The following WDTC1 variants were observed in gnomAD, a reference collection of about 807,000 sequenced individuals.
WDTC1 encodes WD and tetratricopeptide repeats 1, also known as WD and tetratricopeptide repeats protein 1.
Under a neutral mutation model 76.0 loss-of-function variants are expected in WDTC1, and 12 were observed. That is an observed-to-expected ratio of 0.16 (90% CI 0.10 to 0.26). WDTC1 has a LOEUF of 0.26. WDTC1 is among the 10% of genes least tolerant of loss of function. The pLI is 1.00. For synonymous variants in WDTC1, 326 were observed against 350.8 expected (o/e 0.93, Z 0.79); for missense variants, 511 against 908.8 (o/e 0.56, Z 5.63).
chr1:27,289,190 G>A (rs1413282443), intron 6 of WDTC1, among the ~76,000 whole-genome samples: 1 of 149,428 alleles, frequency 6.7e-6, no homozygotes, highest in African/African-American at 2.5e-5. Context: ...CGGACGGGGC[G>A]GCTGGCCGGG....
chr1:27,296,356 C>T lies in WDTC1; in HGVS notation c.904C>T (p.Arg302Trp), dbSNP rs140726657. Residue 302 changes from arginine to tryptophan, a missense_variant, in exon 10 of 16, where the codon CGG (arginine) becomes TGG (tryptophan). Arg to Trp is a moderately radical substitution (Grantham distance 101, BLOSUM62 -3). Transcript: ENST00000319394. ...TTTGTTTGACTTGACTTACAAGCAG[C>T]GGCCGTACACCTTCCTCTTGCCTAG... is the stretch of plus-strand genomic sequence containing the variant. ...VYLFDLTYKQ[R>W]PYTFLLPRKC... 6.8e-6 allele frequency: 11 copies of T among 1,614,014 alleles called. No homozygotes were observed. The highest frequency in any genetic ancestry group is 9.3e-6 in the Non-Finnish European group (11 of 1,179,992).
intron 6 of WDTC1, among the ~76,000 whole-genome samples, chr1:27,290,567 T>C (rs987127214): frequency 6.6e-6 from 1 of 152,210 alleles, no homozygotes; most frequent in African/African-American, 2.4e-5. Flanking sequence ...AGTGGCTATA[T>C]ACCTGGGAGG....
At chr1:27,253,079 GC>G (rs2012136159) in intron 1 of WDTC1, among the ~76,000 whole-genome samples, 1 of 147,576 alleles carries the variant, frequency 6.8e-6, no homozygotes, top group African/African-American at 2.5e-5. Context: ...TGCAATCTCG[GC>G]TCACTGCAAC....
At chr1:27,256,786 A>G (rs1338511850) in intron 1 of WDTC1, among the ~76,000 whole-genome samples, 1 of 152,168 alleles carries the variant, frequency 6.6e-6, no homozygotes, top group East Asian at 1.9e-4. Context: ...CCTTATGTTC[A>G]TTTGTTGAAT....
rs1215974156 is a variant in WDTC1, at chr1:27,282,277, G to C, written c.171G>C (p.Glu57Asp). The change falls in exon 4 of 16, where the codon GAG becomes GAC. Residue 57 changes from glutamate (E) to aspartate (D), a missense_variant. Coordinates refer to ENST00000319394, the MANE Select transcript of WDTC1 (RefSeq NM_001276252.2). ...SGCVNCLEWN[E>D]KGDLLASGSD... ...GTGTCAACTGTCTGGAGTGGAATGA[G>C]AAAGGAGAGTAAGTATGAGCTAGAG... is the stretch of plus-strand genomic sequence containing the variant. 9.3e-6 allele frequency: 15 copies of C among 1,613,868 alleles called. No homozygotes were observed. The highest frequency in any genetic ancestry group is 1.3e-5 in the Non-Finnish European group (15 of 1,179,816).
In WDTC1 at chr1:27,260,984, G is replaced by C. The variant is rs2012460184; in HGVS notation, c.-71G>C. 3.2e-6 allele frequency: 5 copies of C among 1,547,886 alleles called. No individual in the cohort carries two copies. Among genetic ancestry groups the C allele is most frequent in the Non-Finnish European group, 4.4e-6 (5 of 1,127,322 alleles). On this transcript the variant is annotated 5_prime_UTR_variant, in exon 2 of 16. Coordinates refer to ENST00000319394, the MANE Select transcript of WDTC1 (RefSeq NM_001276252.2). Reference sequence around the variant, plus strand: ...ATTAAATGTGTATTTTGTGGACCTGGGCTTGGCTGGAATGCTCAGGGGTCC... The same window carrying C: ...ATTAAATGTGTATTTTGTGGACCTGCGCTTGGCTGGAATGCTCAGGGGTCC...
intron 3 of WDTC1, among the ~76,000 whole-genome samples, chr1:27,281,712 C>T (rs2013198130): frequency 6.6e-6 from 1 of 152,118 alleles, no homozygotes; most frequent in Non-Finnish European, 1.5e-5. Context: ...ACCTCAGCCT[C>T]CCGAGTAGCT....
At chr1:27,263,329 T>A in intron 3 of WDTC1, 94 bp downstream of exon 3, 1 of 1,259,308 alleles carries the variant, frequency 7.9e-7, no homozygotes, top group Non-Finnish European at 1.1e-6. Flanking sequence ...CATAAACAAG[T>A]GTTTCTCTGC....
chr1:27,259,092 TA>T (rs2012385467), intron 1 of WDTC1, among the ~76,000 whole-genome samples: 2 of 152,344 alleles, frequency 1.3e-5, no homozygotes, highest in Admixed American at 1.3e-4. Flanking sequence ...TTGAAAATAT[TA>T]AAAAGTAGAA....
chr1:27,294,390 A>AAG (rs2013625681), intron 8 of WDTC1, 124 bp from the exon 9 acceptor site: 1 of 881,400 alleles, frequency 1.1e-6, no homozygotes, highest in Non-Finnish European at 1.8e-6. Context: ...GTAAGGGCTC[A>AAG]ACACTTGTAG....
At chr1:27,266,951 T>A (rs189486515) in intron 3 of WDTC1, among the ~76,000 whole-genome samples, 1 of 152,338 alleles carries the variant, frequency 6.6e-6, no homozygotes, top group Admixed American at 6.5e-5. Flanking sequence ...TATGAGATAG[T>A]GTCAGACATT....
intron 11 of WDTC1, 148 bp downstream of exon 11, chr1:27,297,304 G>T: frequency 1.4e-6 from 1 of 713,254 alleles, no homozygotes; most frequent in South Asian, 1.8e-5. Context: ...CCTTCTTGGA[G>T]GGTGCCTAGT....
intron 5 of WDTC1, among the ~76,000 whole-genome samples, chr1:27,286,716 C>T (rs1169789443): frequency 6.6e-6 from 1 of 151,868 alleles, no homozygotes; most frequent in Non-Finnish European, 1.5e-5. Context: ...CCCGCCTCAG[C>T]CTCCCAAAGT....
At chr1:27,275,617 C>CAA (rs1195961573) in intron 3 of WDTC1, among the ~76,000 whole-genome samples, 18 of 89,386 alleles carry the variant, frequency 2.0e-4, no homozygotes, top group African/African-American at 4.6e-4. Context: ...GACTCTGTCT[C>CAA]AAAAAAAAAA....
rs2148002098 is a variant in WDTC1 at position 27,308,262 on chromosome 1, G to C, written c.*1879G>C. 1 of 152,434 alleles carries C rather than the reference G, an allele frequency of 6.6e-6. No homozygotes were observed. Among genetic ancestry groups the C allele is most frequent in the South Asian group, 2.1e-4 (1 of 4,828 alleles). 9.4% of individuals were successfully genotyped at this position (152,434 alleles called of 1,614,324 possible). A position where few individuals can be genotyped will look rare whatever the true frequency, so the allele number is the denominator to read the frequency against. On this transcript the variant is annotated 3_prime_UTR_variant, in exon 16 of 16. Coordinates refer to ENST00000319394, the MANE Select transcript of WDTC1 (RefSeq NM_001276252.2). ...GTTCTAGGTGTGGCTGGTGGCATTT[G>C]TGGGGTGCAGATGGGTCTTGGAACC...
chr1:27,242,898 A>C (rs919710804), intron 1 of WDTC1, among the ~76,000 whole-genome samples: 2 of 152,192 alleles, frequency 1.3e-5, no homozygotes, highest in Non-Finnish European at 2.9e-5. Flanking sequence ...TCTTCTGCAG[A>C]GAAAACCTCA....
intron 3 of WDTC1, among the ~76,000 whole-genome samples, chr1:27,269,603 TTTG>T (rs1394426144): frequency 6.5e-5 from 7 of 107,842 alleles, no homozygotes; most frequent in African/African-American, 2.2e-4. Context: ...TTTTTTGTTT[TTTG>T]TTTTTTTTTT....
At position 27,303,944 on chromosome 1, in the gene WDTC1, TA is replaced by T. The variant is rs2013893277; in HGVS notation, c.1643+152del. 5 of 1,048,604 alleles carry T rather than the reference TA, an allele frequency of 4.8e-6. No homozygotes were observed. Among genetic ancestry groups the T allele is most frequent in the Non-Finnish European group, 6.8e-6 (5 of 730,678 alleles). The allele number at this position is 1,048,604 out of a possible 1,614,324, so 65.0% of individuals were successfully genotyped here. A position where few individuals can be genotyped will look rare whatever the true frequency, so the allele number is the denominator to read the frequency against. On this transcript the variant is annotated intron_variant, in intron 14 of 15. Transcript: ENST00000319394. This position sits in a 1 kb window ranked among gnomAD's most constrained non-coding sequence, Gnocchi z 4.8. ...AAATGGCTTCACCTTTGTCAGCCTC[TA>T]AAGTTTTTTAATCTATGAAATGACC...
rs1000267951 is a variant in WDTC1, at chr1:27,261,068, A to G, written c.14A>G (p.Asn5Ser). The G allele has an allele frequency of 4.3e-6, 7 of 1,614,084 alleles. No homozygotes were observed. Among genetic ancestry groups the G allele is most frequent in the Non-Finnish European group, 5.1e-6 (6 of 1,180,034 alleles). ...CATTAAGAAAAGATGGCGAAAGTCA[A>G]CATAACTAGAGACCTCATCCGTAGG... MAKVNITRDLIRRQI... is the reference protein window; with the variant it reads MAKVSITRDLIRRQI... Residue 5 changes from asparagine to serine, a missense_variant, in exon 2 of 16, where the codon AAC becomes AGC. Transcript: ENST00000319394.
Sources: gnomAD v4.1 joint callset for allele counts (sites outside exome capture counted in the v4.1 genomes callset) on GRCh38, gnomAD v4.1.1 for gene constraint, Gnocchi (gnomAD v3.1) non-coding constraint, MANE v1.5 for transcripts, NCBI Gene and HGNC (gene_info 2026-07-23, HGNC 2026-07-21) for gene names.